The following CCZ1 variants were observed in gnomAD, a reference collection of about 807,000 sequenced individuals.
CCZ1 encodes the protein vacuolar fusion protein CCZ1 homolog.
CCZ1 carries 19 observed loss-of-function variants against 57.8 expected under a neutral mutation model. That is an observed-to-expected ratio of 0.33 (90% confidence interval 0.23 to 0.48). The LOEUF (loss-of-function observed/expected upper bound fraction) is 0.48. Among genes scored for constraint, CCZ1 ranks in the 20% least tolerant of loss-of-function variants. The probability of loss-of-function intolerance (pLI) is 0.99; values close to 1 mark genes in which losing one functional copy is unlikely to be tolerated. For synonymous variants in CCZ1, 81 were observed against 167.0 expected, an observed-to-expected ratio of 0.49 and a Z score of 3.97; for missense variants, 200 against 492.0, an observed-to-expected ratio of 0.41 and a Z score of 5.61.
At chr7:5,914,202 G>A (rs1779106202) in intron 10 of CCZ1, among the ~76,000 whole-genome samples, 1 of 147,610 alleles carries the variant, frequency 6.8e-6, no homozygotes, top group African/African-American at 2.5e-5. Flanking sequence ...GGAGGCCAAG[G>A]TGGGAGGATC....
chr7:5,912,356 T>TA (rs1779057008), intron 9 of CCZ1, among the ~76,000 whole-genome samples: 1 of 133,884 alleles, frequency 7.5e-6, no homozygotes, highest in South Asian at 2.8e-4. Context: ...TCCAATGAGT[T>TA]AAAACTTACT....
intron 5 of CCZ1, chr7:5,902,035 T>A: frequency 1.1e-5 from 3 of 266,188 alleles, no homozygotes; most frequent in East Asian, 1.1e-4. Context: ...GGATCACACC[T>A]GTAATTTCAG....
chr7:5,914,283 A>G (rs896813708), intron 10 of CCZ1, among the ~76,000 whole-genome samples: 3 of 147,454 alleles, frequency 2.0e-5, no homozygotes, highest in Non-Finnish European at 3.0e-5. Flanking sequence ...AAAATGTTTA[A>G]AAATTAGCCA....
intron 10 of CCZ1, among the ~76,000 whole-genome samples, chr7:5,915,778 A>ACCCC (rs375713153): frequency 0.22 from 24,454 of 109,170 alleles, 899 homozygotes; most frequent in South Asian, 0.32. Flanking sequence ...GTGTTCCAAA[A>ACCCC]CCCCCGGGAG....
chr7:5,899,332 G>GTGTGTGTGT (rs1781623164), intron 1 of CCZ1, among the ~76,000 whole-genome samples: 54 of 128,908 alleles, frequency 4.2e-4, no homozygotes, highest in African/African-American at 1.3e-3. Context: ...TTTCGGGAGG[G>GTGTGTGTGT]GGGTGTGTGT....
intron 7 of CCZ1, 95 bp from the exon 8 acceptor site, chr7:5,909,940 G>A (rs1432785090): frequency 2.8e-6 from 3 of 1,066,688 alleles, no homozygotes; most frequent in African/African-American, 3.2e-5. Context: ...AAAATGACTT[G>A]AAAAAAAAAT....
chr7:5,906,003 A>G (rs372025266), intron 7 of CCZ1, among the ~76,000 whole-genome samples: 5 of 143,610 alleles, frequency 3.5e-5, no homozygotes, highest in East Asian at 4.9e-4. Flanking sequence ...TCAGCCTCCC[A>G]AAGTGCTGGG....
chr7:5,901,043 G>A (rs533938845), intron 4 of CCZ1, 111 bp downstream of exon 4: 7 of 535,106 alleles, frequency 1.3e-5, no homozygotes, highest in South Asian at 4.9e-5. Context: ...GAAGTTTCTC[G>A]GGGTATATAG....
intron 12 of CCZ1, among the ~76,000 whole-genome samples, chr7:5,922,748 A>G (rs1156278352): frequency 2.7e-5 from 4 of 149,848 alleles, no homozygotes; most frequent in Non-Finnish European, 4.4e-5. Context: ...ATATGAGGGA[A>G]AGCTTCGTTA....
chr7:5,920,618 T>C (rs78538605), intron 12 of CCZ1, among the ~76,000 whole-genome samples: 17,544 of 130,042 alleles, frequency 0.13, 727 homozygotes, highest in East Asian at 0.36. Context: ...ATTACAGGCG[T>C]GCACCACCAT....
intron 9 of CCZ1, 108 bp from the exon 10 acceptor site, chr7:5,912,735 T>C: frequency 1.6e-6 from 2 of 1,242,762 alleles, no homozygotes; most frequent in Non-Finnish European, 2.4e-6. Context: ...AAATAGCACC[T>C]GGCATCAAAA....
chr7:5,911,397 G>C (rs1371176607), intron 8 of CCZ1, among the ~76,000 whole-genome samples: 1 of 148,696 alleles, frequency 6.7e-6, no homozygotes, highest in East Asian at 2.2e-4. Context: ...CAAACTCCTG[G>C]GCTCAAGCGG....
intron 6 of CCZ1, 125 bp from the exon 7 acceptor site, chr7:5,904,969 C>T (rs2528324): frequency 0.12 from 152,623 of 1,226,488 alleles, 20,681 homozygotes; most frequent in East Asian, 0.65. Flanking sequence ...CTCATTGTTG[C>T]GCTGTTTGCT....
rs1203945692 is a variant in CCZ1 at position 5,905,075 on chromosome 7, C to T, written c.523-19C>T. On this transcript the variant is annotated intron_variant, in intron 6 of 14. Coordinates refer to ENST00000325974, the MANE Select transcript of CCZ1 (RefSeq NM_015622.6). Reference sequence around the variant, plus strand: ...AGTGTACTATTAGTAAATTTTATGCCTTATTTTTTTTCCCACAGTATTTGC... The same window carrying T: ...AGTGTACTATTAGTAAATTTTATGCTTTATTTTTTTTCCCACAGTATTTGC... The T allele has an allele frequency of 6.3e-7, 1 of 1,598,806 alleles. No individual in the cohort carries two copies. The highest frequency in any genetic ancestry group is 1.7e-5 in the Admixed American group (1 of 59,504).
Position 5,914,807 on chromosome 7 carries a change from C to T in CCZ1, c.954+1853C>T, listed in dbSNP as rs1201929609. Reference sequence around the variant, plus strand: ...AGGAGAATCACTTGTACCCGCGAGGCGGAGGTTGCAGTGAGCTGAGCTTAC... The same window carrying T: ...AGGAGAATCACTTGTACCCGCGAGGTGGAGGTTGCAGTGAGCTGAGCTTAC... On this transcript the variant is annotated intron_variant, in intron 10 of 14. Coordinates refer to ENST00000325974, the MANE Select transcript of CCZ1 (RefSeq NM_015622.6). 7.6e-5 allele frequency among the ~76,000 whole-genome samples: 11 copies of T among 144,642 alleles called. 2 individuals carry two copies. The highest frequency in any genetic ancestry group is 1.5e-4 in the Non-Finnish European group (10 of 66,910). The allele number at this position is 144,642 out of a possible 152,430, so 94.9% of individuals were successfully genotyped here.
intron 14 of CCZ1, among the ~76,000 whole-genome samples, chr7:5,924,546 T>C (rs1336849733): frequency 1.6e-5 from 2 of 128,252 alleles, no homozygotes; most frequent in East Asian, 4.0e-4. Flanking sequence ...AAATGTCCTT[T>C]TTTAATATCC....
chr7:5,908,669 C>T (rs1446094367), intron 7 of CCZ1, among the ~76,000 whole-genome samples: 5 of 146,958 alleles, frequency 3.4e-5, no homozygotes, highest in Admixed American at 1.3e-4. Flanking sequence ...TGTGAGCTTC[C>T]GCGCCCGACC....
chr7:5,899,239 C>T (rs1330522938), intron 1 of CCZ1, among the ~76,000 whole-genome samples: 3 of 112,622 alleles, frequency 2.7e-5, no homozygotes, highest in African/African-American at 1.0e-4. Context: ...AGCGTGGAAC[C>T]AGGGTGGCAG....
intron 10 of CCZ1, 46 bp downstream of exon 10, chr7:5,913,000 ATCTT>A: frequency 6.2e-7 from 1 of 1,607,788 alleles, no homozygotes; most frequent in Non-Finnish European, 8.5e-7. Flanking sequence ...GCTGAAGTGG[ATCTT>A]TCTTGCATGT....
Sources: gnomAD v4.1 joint callset for allele counts (sites outside exome capture counted in the v4.1 genomes callset) on GRCh38, gnomAD v4.1.1 for gene constraint, MANE v1.5 for transcripts, NCBI Gene and HGNC (gene_info 2026-07-23, HGNC 2026-07-21) for gene names.